Variants in TENM2 observed in about 807,000 individuals in gnomAD.
The protein encoded by TENM2 is teneurin transmembrane protein 2.
In TENM2, 52 loss-of-function variants were observed where a neutral mutation model predicts 245.2. That is an observed-to-expected ratio of 0.21 (90% CI 0.17 to 0.27). TENM2 has a LOEUF of 0.27. Among genes scored for constraint, TENM2 ranks in the 10% least tolerant of loss-of-function variants. The probability of loss-of-function intolerance (pLI) is 1.00; values close to 1 mark genes in which losing one functional copy is unlikely to be tolerated. For synonymous variants in TENM2, 1,363 were observed against 1,438.9 expected, an observed-to-expected ratio of 0.95 and a Z score of 1.19; for missense variants, 3,046 against 3,666.8, an observed-to-expected ratio of 0.83 and a Z score of 4.37.
chr5:168,066,810 CTG>C (rs1179954495), intron 7 of TENM2, among the ~76,000 whole-genome samples: 1 of 152,120 alleles, frequency 6.6e-6, no homozygotes, highest in African/African-American at 2.4e-5. Flanking sequence ...ATCCTACAAA[CTG>C]TGTCAGATTT....
At chr5:167,147,521 A>G in the TENM2 span, among the ~76,000 whole-genome samples, 1 of 152,090 alleles carries the variant, frequency 6.6e-6, no homozygotes, top group African/African-American at 2.4e-5. Flanking sequence ...AAAAATTCTT[A>G]TTTTTTAAGA....
At chr5:167,366,364 G>A (rs1188868806) in intron 1 of TENM2, among the ~76,000 whole-genome samples, 1 of 152,052 alleles carries the variant, frequency 6.6e-6, no homozygotes, top group Non-Finnish European at 1.5e-5. Flanking sequence ...ATAATTCTAT[G>A]TAAAGAAATA....
the TENM2 span, among the ~76,000 whole-genome samples, chr5:167,137,303 C>T: frequency 2.0e-5 from 3 of 152,172 alleles, no homozygotes; most frequent in Non-Finnish European, 2.9e-5. Context: ...TCCCCTTGAT[C>T]TCTTTCTTAG....
At chr5:168,261,097 C>A (rs981645109) in intron 28 of TENM2, among the ~76,000 whole-genome samples, 1 of 152,154 alleles carries the variant, frequency 6.6e-6, no homozygotes, top group Non-Finnish European at 1.5e-5. Flanking sequence ...TTGAGAACAG[C>A]GTTCACTCAG....
chr5:167,470,454 C>CTTTTTTTTTTTTTGTTTTT (rs1766943233), intron 2 of TENM2, among the ~76,000 whole-genome samples: 1 of 47,394 alleles, frequency 2.1e-5, no homozygotes, highest in Non-Finnish European at 3.6e-5. Context: ...GCAATGCTTG[C>CTTTTTTTTTTTTTGTTTTT]TTTTTTTTTT....
At chr5:168,223,403 T>A (rs1763841717) in intron 23 of TENM2, among the ~76,000 whole-genome samples, 1 of 152,202 alleles carries the variant, frequency 6.6e-6, no homozygotes, top group East Asian at 1.9e-4. Context: ...ATTGCTTTGT[T>A]TTCTGATGTT....
chr5:167,702,221 T>C (rs1484031401), intron 2 of TENM2, among the ~76,000 whole-genome samples: 1 of 152,196 alleles, frequency 6.6e-6, no homozygotes, highest in African/African-American at 2.4e-5. Flanking sequence ...TCCTATTAAC[T>C]CTGCCCACCC....
chr5:167,639,789 TAC>T (rs2150243673), intron 2 of TENM2, among the ~76,000 whole-genome samples: 1 of 152,286 alleles, frequency 6.6e-6, no homozygotes, highest in Non-Finnish European at 1.5e-5. Context: ...TCCTCTTTCT[TAC>T]ACCTAGACTC....
At chr5:168,062,314 T>G in intron 7 of TENM2, 49 bp downstream of exon 9, 4 of 1,425,544 alleles carry the variant, frequency 2.8e-6, no homozygotes, top group Non-Finnish European at 3.9e-6. Context: ...TATATACGTA[T>G]ATATGTGTGT....
chr5:167,597,822 C>A (rs1430776514), intron 2 of TENM2, among the ~76,000 whole-genome samples: 1 of 152,194 alleles, frequency 6.6e-6, no homozygotes, highest in Non-Finnish European at 1.5e-5. Flanking sequence ...CTCATTCTCT[C>A]ATAATTACCC....
At chr5:167,155,954 C>T in the TENM2 span, among the ~76,000 whole-genome samples, 1 of 152,206 alleles carries the variant, frequency 6.6e-6, no homozygotes, top group East Asian at 1.9e-4. Context: ...CTTCTGTTGT[C>T]ACTCTTGAGC....
chr5:167,363,166 AT>A (rs1276633012), intron 1 of TENM2, among the ~76,000 whole-genome samples: 1 of 152,230 alleles, frequency 6.6e-6, no homozygotes, highest in African/African-American at 2.4e-5. Flanking sequence ...TGAGCATTGA[AT>A]TGTTAGCCCA....
intron 13 of TENM2, among the ~76,000 whole-genome samples, chr5:168,168,525 G>A (rs1018575011): frequency 2.0e-5 from 3 of 152,042 alleles, no homozygotes; most frequent in Non-Finnish European, 4.4e-5. Flanking sequence ...ACAAAAAATA[G>A]AGAAATTAGC....
chr5:167,324,374 A>G (rs1400849648), intron 1 of TENM2, among the ~76,000 whole-genome samples: 1 of 152,216 alleles, frequency 6.6e-6, no homozygotes, highest in Non-Finnish European at 1.5e-5. Flanking sequence ...TGTATTCCTC[A>G]GAAGCAACAT....
At chr5:167,683,260 TCC>T (rs113505215) in intron 2 of TENM2, among the ~76,000 whole-genome samples, 10 of 147,904 alleles carry the variant, frequency 6.8e-5, no homozygotes, top group South Asian at 4.4e-4. Flanking sequence ...TTTTTTTTTT[TCC>T]CCCCCTGGGC....
intron 5 of TENM2, among the ~76,000 whole-genome samples, chr5:168,025,761 C>G (rs1485645926): frequency 1.3e-5 from 2 of 152,120 alleles, no homozygotes. Flanking sequence ...ATAAGTGGAA[C>G]ATGAAAAGAT....
At chr5:167,500,002 A>G (rs112804730) in intron 2 of TENM2, among the ~76,000 whole-genome samples, 744 of 62,688 alleles carry the variant, frequency 0.012, no homozygotes, top group Middle Eastern at 0.024. Context: ...GTGAGGGTGT[A>G]TGTGTGTGTG....
intron 2 of TENM2, among the ~76,000 whole-genome samples, chr5:167,486,489 C>T (rs536175988): frequency 1.3e-5 from 2 of 152,076 alleles, no homozygotes; most frequent in East Asian, 3.9e-4. Flanking sequence ...CCACCACGCC[C>T]AGCTAATTTT....
Position 167,519,132 on chromosome 5 carries a change from A to G in TENM2, c.502+143659A>G, listed in dbSNP as rs576075194. Among the ~76,000 whole-genome samples the G allele has an allele frequency of 4.6e-5, 7 of 152,244 alleles. No individual in the cohort carries two copies. In the East Asian group the frequency reaches 1.4e-3, roughly 29 times the overall value. On this transcript the variant is annotated intron_variant, in intron 2 of 28. Coordinates refer to ENST00000518659, the Ensembl canonical transcript of TENM2. ...TAGTAATTTCTCTGTTCTGACATCT[A>G]ACACTCTGTAACAAACAAACAAATT...
Sources: allele counts gnomAD v4.1 joint callset (sites outside exome capture counted in the v4.1 genomes callset), GRCh38; gene constraint gnomAD v4.1.1; transcripts MANE v1.5; gene names NCBI Gene and HGNC (gene_info 2026-07-23, HGNC 2026-07-21).